The following KCNIP4 variants were observed in gnomAD, a reference collection of about 807,000 sequenced individuals.
KCNIP4 encodes the protein Kv channel-interacting protein 4.
Under a neutral mutation model 34.0 loss-of-function variants are expected in KCNIP4, and 12 were observed. The ratio of observed to expected loss-of-function variants is 0.35; its 90% CI spans 0.23 to 0.57. The LOEUF is 0.57. Among genes scored for constraint, KCNIP4 ranks in the 20% least tolerant of loss-of-function variants. KCNIP4 has a pLI of 0.83. For synonymous variants in KCNIP4, 124 were observed against 102.2 expected (o/e 1.21, Z -1.29); for missense variants, 238 against 311.7 (o/e 0.76, Z 1.78).
intron 1 of KCNIP4, among the ~76,000 whole-genome samples, chr4:21,226,450 A>G (rs1046885663): frequency 3.3e-5 from 5 of 151,860 alleles, no homozygotes; most frequent in Admixed American, 6.6e-5. Context: ...TGATACAATT[A>G]TGAACGTGAA....
At chr4:21,887,896 A>G (rs60627982) in intron 1 of KCNIP4, among the ~76,000 whole-genome samples, 4,906 of 152,286 alleles carry the variant, frequency 0.032, 240 homozygotes, top group African/African-American at 0.11. Context: ...TTGAATTTCC[A>G]ATGTAAAGTT....
Position 20,832,179 on chromosome 4 carries a change from G to A in KCNIP4, c.288+18364C>T, listed in dbSNP as rs528540087. Among the ~76,000 whole-genome samples, 3 of 152,046 alleles carry A rather than the reference G, an allele frequency of 2.0e-5. No individual in the cohort carries two copies. The East Asian group carries it at 5.8e-4, about 29-fold the overall frequency. Reference sequence around the variant, plus strand: ...ATTACAGGCACTAAATTGCTGTTTGGATTATTATTATTTTTTTCCTTTCTC... The same window carrying A: ...ATTACAGGCACTAAATTGCTGTTTGAATTATTATTATTTTTTTCCTTTCTC... On this transcript the variant is annotated intron_variant, in intron 3 of 8. Transcript: ENST00000382152.
intron 1 of KCNIP4, among the ~76,000 whole-genome samples, chr4:21,801,371 A>G (rs1316329361): frequency 6.6e-6 from 1 of 152,196 alleles, no homozygotes; most frequent in Non-Finnish European, 1.5e-5. Context: ...TCTAGTTGCC[A>G]AAAGAGTGGC....
At chr4:20,940,319 T>C (rs1405387635) in intron 1 of KCNIP4, among the ~76,000 whole-genome samples, 1 of 152,242 alleles carries the variant, frequency 6.6e-6, no homozygotes, top group African/African-American at 2.4e-5. Context: ...TTTGATCTTA[T>C]GTCTGTCTCC....
chr4:21,057,927 A>G (rs1258457737), intron 1 of KCNIP4, among the ~76,000 whole-genome samples: 1 of 152,182 alleles, frequency 6.6e-6, no homozygotes, highest in East Asian at 1.9e-4. Flanking sequence ...CTGATTTCCA[A>G]AGAAGGAAGA....
At chr4:21,273,319 T>G (rs915478624) in intron 1 of KCNIP4, among the ~76,000 whole-genome samples, 1 of 152,144 alleles carries the variant, frequency 6.6e-6, no homozygotes, top group African/African-American at 2.4e-5. Flanking sequence ...ACTGTTCTAA[T>G]GGACAGTATG....
At chr4:20,753,271 C>T in intron 4 of KCNIP4, among the ~76,000 whole-genome samples, 1 of 152,080 alleles carries the variant, frequency 6.6e-6, no homozygotes, top group East Asian at 1.9e-4. Flanking sequence ...ATTCCTATAC[C>T]ATCTCTTAGA....
At chr4:21,641,922 G>A (rs1746643154) in intron 1 of KCNIP4, among the ~76,000 whole-genome samples, 1 of 152,110 alleles carries the variant, frequency 6.6e-6, no homozygotes, top group Admixed American at 6.5e-5. Context: ...CATTCCTCAG[G>A]GTGATCAGCC....
intron 1 of KCNIP4, among the ~76,000 whole-genome samples, chr4:21,470,289 G>C (rs887927711): frequency 6.6e-6 from 1 of 152,070 alleles, no homozygotes; most frequent in East Asian, 1.9e-4. Flanking sequence ...CTTTATGTTA[G>C]GGACAAGGCA....
intron 4 of KCNIP4, among the ~76,000 whole-genome samples, chr4:20,756,809 A>T (rs1276483163): frequency 1.3e-5 from 2 of 151,904 alleles, no homozygotes; most frequent in South Asian, 2.1e-4. Flanking sequence ...TTATTTCCAT[A>T]AACTGTTCAT....
intron 1 of KCNIP4, among the ~76,000 whole-genome samples, chr4:21,175,067 C>T (rs1298304249): frequency 6.6e-6 from 1 of 151,864 alleles, no homozygotes; most frequent in Non-Finnish European, 1.5e-5. Context: ...TCTCCCTCAG[C>T]TTGACTAAGG....
At chr4:21,720,375 T>G (rs1056603929) in intron 1 of KCNIP4, among the ~76,000 whole-genome samples, 1 of 152,198 alleles carries the variant, frequency 6.6e-6, no homozygotes. Context: ...AGCAAATAGA[T>G]GTTAAGAAAA....
At chr4:21,492,034 T>G (rs974013992) in intron 1 of KCNIP4, among the ~76,000 whole-genome samples, 4 of 152,226 alleles carry the variant, frequency 2.6e-5, no homozygotes, top group African/African-American at 9.6e-5. Context: ...GATTCTCTAC[T>G]GTATCCAACT....
At chr4:21,136,193 C>G (rs1374329886) in intron 1 of KCNIP4, among the ~76,000 whole-genome samples, 3 of 152,100 alleles carry the variant, frequency 2.0e-5, no homozygotes, top group Non-Finnish European at 2.9e-5. Flanking sequence ...TAACATGTCT[C>G]TATGTTTTAA....
chr4:20,743,178 C>A (rs970744405), intron 5 of KCNIP4, among the ~76,000 whole-genome samples: 1 of 152,024 alleles, frequency 6.6e-6, no homozygotes, highest in Non-Finnish European at 1.5e-5. Flanking sequence ...ATATCGTGAA[C>A]ATGGCCATAC....
intron 3 of KCNIP4, among the ~76,000 whole-genome samples, chr4:20,820,822 G>A (rs1717009518): frequency 6.6e-6 from 1 of 152,182 alleles, no homozygotes; most frequent in African/African-American, 2.4e-5. Flanking sequence ...TTCCAGTGCA[G>A]TGCTCTTTGG....
At chr4:21,446,786 TA>T (rs995826342) in intron 1 of KCNIP4, among the ~76,000 whole-genome samples, 31 of 151,442 alleles carry the variant, frequency 2.0e-4, no homozygotes, top group Middle Eastern at 3.4e-3. Flanking sequence ...TTCCCAAACA[TA>T]AAAAAAAACT....
intron 1 of KCNIP4, among the ~76,000 whole-genome samples, chr4:21,671,535 A>G (rs896161021): frequency 6.6e-6 from 1 of 152,170 alleles, no homozygotes; most frequent in African/African-American, 2.4e-5. Flanking sequence ...TCTTTCTTAC[A>G]TTATCTCTGC....
intron 1 of KCNIP4, among the ~76,000 whole-genome samples, chr4:21,650,617 T>C (rs1258713639): frequency 1.3e-5 from 2 of 152,150 alleles, no homozygotes; most frequent in East Asian, 3.8e-4. Flanking sequence ...GACCTAGTAA[T>C]AAAATAGAGA....
Sources: gnomAD v4.1 joint callset for allele counts (sites outside exome capture counted in the v4.1 genomes callset) on GRCh38, gnomAD v4.1.1 for gene constraint, MANE v1.5 for transcripts, NCBI Gene and HGNC (gene_info 2026-07-23, HGNC 2026-07-21) for gene names.